Variants in TTLL9 observed in about 807,000 individuals in gnomAD.
TTLL9 encodes tubulin tyrosine ligase like 9, also known as probable tubulin polyglutamylase TTLL9.
In TTLL9, 47 loss-of-function variants were observed where a neutral mutation model predicts 65.6. The observed-to-expected ratio is 0.72, with a 90% CI of 0.57 to 0.91. TTLL9 has a LOEUF of 0.91. TTLL9 is among the 40% of genes least tolerant of loss of function. TTLL9 has a pLI of 0.00. For missense variants in TTLL9, 537 were observed against 568.8 expected, an observed-to-expected ratio of 0.94 and a Z score of 0.57; for synonymous variants, 179 against 204.8, an observed-to-expected ratio of 0.87 and a Z score of 1.07.
intron 3 of TTLL9, among the ~76,000 whole-genome samples, chr20:31,891,162 C>T (rs1326772103): frequency 6.6e-6 from 1 of 152,136 alleles, no homozygotes. Flanking sequence ...GTGTGTTCTA[C>T]CAGCAGAGGA....
intron 2 of TTLL9, among the ~76,000 whole-genome samples, chr20:31,881,155 C>T (rs1042403595): frequency 2.0e-5 from 3 of 152,188 alleles, no homozygotes; most frequent in Non-Finnish European, 2.9e-5. Flanking sequence ...TGAACCACTG[C>T]ACCTGGTCAA....
Position 31,887,227 on chromosome 20 carries a change from A to C in TTLL9, c.101A>C (p.Lys34Thr). 1.9e-6 allele frequency: 3 copies of C among 1,614,198 alleles called. No individual in the cohort carries two copies. The highest frequency in any genetic ancestry group is 2.5e-6 in the Non-Finnish European group (3 of 1,180,016). ...AATTACAAGGGCCATGGATTGTCAA[A>C]GGGAAAAGAGCGGTGAGTGGTCCCA... is the stretch of plus-strand genomic sequence containing the variant. ...NQNYKGHGLS[K>T]GKEREQRASI... The change falls in exon 3 of 15, where the codon AAG becomes ACG. Residue 34 changes from lysine to threonine, a missense_variant. Lys to Thr is a moderately conservative substitution (Grantham distance 78). Around this residue, in one of 3 missense-constraint regions of TTLL9, gnomAD observed 320 missense variants for 311.0 expected, o/e 1.03. Transcript: ENST00000535842.
At chr20:31,937,830 T>C (rs556778351) in intron 13 of TTLL9, among the ~76,000 whole-genome samples, 3 of 152,142 alleles carry the variant, frequency 2.0e-5, no homozygotes, top group African/African-American at 4.8e-5. Context: ...ATCTGTAAAA[T>C]AGGAAATGCC....
intron 12 of TTLL9, 128 bp downstream of exon 12, chr20:31,935,016 C>T: frequency 1.1e-6 from 1 of 876,392 alleles, no homozygotes; most frequent in East Asian, 2.6e-5. Context: ...ATTTACTGTG[C>T]CTCAATTTGC....
chr20:31,888,163 C>T (rs911362184), intron 3 of TTLL9, among the ~76,000 whole-genome samples: 1 of 152,276 alleles, frequency 6.6e-6, no homozygotes, highest in East Asian at 1.9e-4. Flanking sequence ...GGATTACAGG[C>T]GTGAGCCACC....
At chr20:31,927,480 C>CA (rs777895091) in intron 10 of TTLL9, among the ~76,000 whole-genome samples, 27,000 of 53,956 alleles carry the variant, frequency 0.5, 5,751 homozygotes, top group Non-Finnish European at 0.53. Context: ...GACTCTGTCT[C>CA]AAAAAAAAAA....
rs535922212 is a variant in TTLL9, at chr20:31,939,295, C to T, written c.1243+29C>T. 3.7e-6 allele frequency: 6 copies of T among 1,611,872 alleles called. No individual in the cohort carries two copies. In the African/African-American group the frequency reaches 6.7e-5, roughly 18 times the overall value. ...TGTAGGGCCAGGTGGGGAGTGGGCACAAGGGATGGGGTCATGGGAGGTACC... is the reference window on the plus strand; with the variant it reads ...TGTAGGGCCAGGTGGGGAGTGGGCATAAGGGATGGGGTCATGGGAGGTACC... On this transcript the variant is annotated intron_variant, in intron 14 of 14. Transcript: ENST00000535842.
At chr20:31,898,602 T>G in intron 4 of TTLL9, 37 bp downstream of exon 4, 1 of 1,583,122 alleles carries the variant, frequency 6.3e-7, no homozygotes, top group Non-Finnish European at 8.7e-7. Flanking sequence ...CTCCTTCCCT[T>G]TGTCTCACAG....
intron 8 of TTLL9, among the ~76,000 whole-genome samples, chr20:31,924,450 G>A (rs1167715769): frequency 1.3e-5 from 2 of 152,116 alleles, no homozygotes; most frequent in Non-Finnish European, 2.9e-5. Context: ...GGGCTGGGCA[G>A]GCACCTTGTC....
intron 10 of TTLL9, among the ~76,000 whole-genome samples, chr20:31,926,369 C>T (rs1046306367): frequency 7.2e-5 from 11 of 152,202 alleles, no homozygotes; most frequent in Admixed American, 1.3e-4. Context: ...TTCACCCATC[C>T]GATTGGCAGA....
chr20:31,906,080 C>T (rs1235739979), intron 4 of TTLL9, among the ~76,000 whole-genome samples: 2 of 151,018 alleles, frequency 1.3e-5, no homozygotes, highest in Non-Finnish European at 3.0e-5. Flanking sequence ...AAAGGGATCT[C>T]CATTTACAAC....
chr20:31,870,713 G>A lies in TTLL9; in HGVS notation c.-242G>A. 1.4e-5 allele frequency: 10 copies of A among 727,236 alleles called. No individual in the cohort carries two copies. The highest frequency in any genetic ancestry group is 1.9e-5 in the Non-Finnish European group (10 of 514,200). 45.0% of individuals were successfully genotyped at this position (727,236 alleles called of 1,614,324 possible). ...GGCCGCCACCTCCGGAGGTGGGGGCGGGGGCCTTACCCCACCCTGGCACCG... is the reference window on the plus strand; with the variant it reads ...GGCCGCCACCTCCGGAGGTGGGGGCAGGGGCCTTACCCCACCCTGGCACCG... On this transcript the variant is annotated 5_prime_UTR_variant, in exon 1 of 15. Transcript: ENST00000535842. This position sits in a 1 kb window ranked among gnomAD's most constrained non-coding sequence, Gnocchi z 6.6.
At chr20:31,903,189 C>T (rs1486007896) in intron 4 of TTLL9, among the ~76,000 whole-genome samples, 1 of 152,018 alleles carries the variant, frequency 6.6e-6, no homozygotes, top group Non-Finnish European at 1.5e-5. Flanking sequence ...TTATGGCCAT[C>T]CTAGTGGGTA....
intron 2 of TTLL9, among the ~76,000 whole-genome samples, chr20:31,886,434 A>G (rs1025467223): frequency 4.6e-5 from 7 of 152,210 alleles, no homozygotes; most frequent in African/African-American, 1.4e-4. Flanking sequence ...GAAAGGTCCA[A>G]TTGGGGTGAA....
intron 3 of TTLL9, among the ~76,000 whole-genome samples, chr20:31,890,098 C>CT (rs1464249081): frequency 0.016 from 1,326 of 83,398 alleles, 161 homozygotes; most frequent in African/African-American, 0.045. Flanking sequence ...CTTTCTTTCC[C>CT]TCCCTTCCTT....
Position 31,939,216 on chromosome 20 carries a change from G to A in TTLL9, c.1193G>A (p.Gly398Glu), listed in dbSNP as rs116660552. The A allele has an allele frequency of 2.3e-3, 3,725 of 1,613,244 alleles. 80 individuals carry two copies. In the African/African-American group the frequency reaches 0.044, roughly 19 times the overall value. The change falls in exon 14 of 15, where the codon GGG (glycine) becomes GAG (glutamate). Residue 398 changes from glycine to glutamate, a missense_variant. Around this residue, in one of 3 missense-constraint regions of TTLL9, gnomAD observed 205 missense variants for 225.9 expected, o/e 0.91. Coordinates refer to ENST00000535842, the MANE Select transcript of TTLL9 (RefSeq NM_001008409.5). ...WNDGPVSREEGAPDLSGMGNF... is the reference protein window; with the variant it reads ...WNDGPVSREEEAPDLSGMGNF... Reference sequence around the variant, plus strand: ...GATGGCCCTGTTAGCAGAGAGGAGGGGGCTCCTGACCTGTCGGGAATGGGA... The same window carrying A: ...GATGGCCCTGTTAGCAGAGAGGAGGAGGCTCCTGACCTGTCGGGAATGGGA...
At chr20:31,932,975 A>G (rs2064045925) in intron 10 of TTLL9, among the ~76,000 whole-genome samples, 1 of 152,188 alleles carries the variant, frequency 6.6e-6, no homozygotes, top group Non-Finnish European at 1.5e-5. Flanking sequence ...CAGTCTGGGC[A>G]AAAGACTACG....
chr20:31,939,169 G>T lies in TTLL9; in HGVS notation c.1146G>T (p.Gly382=). The T allele has an allele frequency of 6.2e-7, 1 of 1,605,110 alleles. No individual in the cohort carries two copies. ...ARLTGREKRV[G]GFDLMWNDGP... ...TCACGGGAAGGGAGAAGCGAGTCGG[G>T]GGCTTTGACCTCATGTGGAATGATG... is the stretch of plus-strand genomic sequence containing the variant. Residue 382 remains glycine (G), a synonymous_variant, in exon 14 of 15, where the codon GGG becomes GGT. Coordinates refer to ENST00000535842, the MANE Select transcript of TTLL9 (RefSeq NM_001008409.5).
At chr20:31,918,165 G>A (rs1405851729) in intron 6 of TTLL9, among the ~76,000 whole-genome samples, 2 of 152,076 alleles carry the variant, frequency 1.3e-5, no homozygotes, top group Non-Finnish European at 2.9e-5. Flanking sequence ...TGCCCGAGCT[G>A]TCTTATCTGT....
Sources: gnomAD v4.1 joint callset for allele counts (sites outside exome capture counted in the v4.1 genomes callset) on GRCh38, gnomAD v4.1.1 for gene constraint, gnomAD v4.1.1 regional missense constraint, Gnocchi (gnomAD v3.1) non-coding constraint, MANE v1.5 for transcripts, NCBI Gene and HGNC (gene_info 2026-07-23, HGNC 2026-07-21) for gene names.